Variants in ZNF732 observed in about 807,000 individuals in gnomAD.
The protein encoded by ZNF732 is zinc finger protein 732, also known as zinc finger protein LOC654254.
In ZNF732, 12 loss-of-function variants were observed where a neutral mutation model predicts 11.5. The ratio of observed to expected loss-of-function variants is 1.05; its 90% CI spans 0.67 to 1.70. The LOEUF is 1.70. Among genes scored for constraint, ZNF732 ranks in the 40% most tolerant of loss-of-function variants. The probability of loss-of-function intolerance (pLI) is 0.00; values close to 1 mark genes in which losing one functional copy is unlikely to be tolerated. For synonymous variants in ZNF732, 231 were observed against 236.5 expected, an observed-to-expected ratio of 0.98 and a Z score of 0.21; for missense variants, 702 against 676.9, an observed-to-expected ratio of 1.04 and a Z score of -0.41.
rs190089491 is a variant in ZNF732, at chr4:276,860, G to C, written c.227-4230C>G. On this transcript the variant is annotated intron_variant, in intron 3 of 3. Coordinates refer to ENST00000419098, the MANE Select transcript of ZNF732 (RefSeq NM_001137608.3). Reference sequence around the variant, plus strand: ...CCCAAATAGCAAAAGTAATCCTAAGGGGGGGACAAAAAAAAACAGCTGGAA... The same window carrying C: ...CCCAAATAGCAAAAGTAATCCTAAGCGGGGGACAAAAAAAAACAGCTGGAA... Among the ~76,000 whole-genome samples the C allele has an allele frequency of 3.7e-3, 561 of 151,344 alleles. 5 individuals are homozygous for C. The highest frequency in any genetic ancestry group is 0.013 in the African/African-American group (531 of 41,340).
rs550722348 is a variant in ZNF732, at chr4:297,332, CTA to C, written c.4-1179_4-1178del. Among the ~76,000 whole-genome samples, 234 of 151,610 alleles carry C rather than the reference CTA, an allele frequency of 1.5e-3. 2 individuals are homozygous for C. Among genetic ancestry groups the C allele is most frequent in the Non-Finnish European group, 2.2e-3 (152 of 67,934 alleles). ...TAATGCGGTATTTATGGAGCATGTA[CTA>C]TGTGCTCAGGAGTATGTCACAGAGC... is the stretch of plus-strand genomic sequence containing the variant. On this transcript the variant is annotated intron_variant, in intron 1 of 3. Coordinates refer to ENST00000419098, the MANE Select transcript of ZNF732 (RefSeq NM_001137608.3).
At position 295,547 on chromosome 4, in the gene ZNF732, A is replaced by G. The variant is rs183120538; in HGVS notation, c.131-14T>C. ...AGATAGCAACACCTGTTTATTTTAA[A>G]AAATTAACATGCTACTGTTAGGGAT... is the stretch of plus-strand genomic sequence containing the variant. On this transcript the variant is annotated splice_polypyrimidine_tract_variant and intron_variant, in intron 2 of 3. Coordinates refer to ENST00000419098, the MANE Select transcript of ZNF732 (RefSeq NM_001137608.3). 1 of 1,597,018 alleles carries G rather than the reference A, an allele frequency of 6.3e-7. No homozygotes were observed. Among genetic ancestry groups the G allele is most frequent in the African/African-American group, 1.3e-5 (1 of 74,518 alleles).
Position 271,310 on chromosome 4 carries a change from T to C in ZNF732, c.1547A>G (p.Tyr516Cys), listed in dbSNP as rs1553837325. 2 of 1,601,704 alleles carry C rather than the reference T, an allele frequency of 1.2e-6. No homozygotes were observed. The highest frequency in any genetic ancestry group is 3.5e-5 in the Admixed American group (2 of 57,740). The change falls in exon 4 of 4, where the codon TAC (tyrosine) becomes TGC (cysteine). Residue 516 changes from tyrosine (Y) to cysteine (C), a missense_variant. Tyr to Cys is a radical substitution (Grantham distance 194). Transcript: ENST00000419098. The part of the protein sequence containing the change: ...ECGKAFGWST[Y>C]LSKHKKIHTG... ...ATGAATTTTCTTATGTTTACTCAGGTATGTGGACCATCCAAAGGCTTTGCC... is the reference window on the plus strand; with the variant it reads ...ATGAATTTTCTTATGTTTACTCAGGCATGTGGACCATCCAAAGGCTTTGCC...
chr4:298,697 G>A (rs73791821), intron 1 of ZNF732, among the ~76,000 whole-genome samples: 8,219 of 152,162 alleles, frequency 0.054, 342 homozygotes, highest in African/African-American at 0.11. Context: ...AACAGAAAAT[G>A]AAACAGCCCT....
chr4:284,115 G>T (rs189787875), intron 3 of ZNF732, among the ~76,000 whole-genome samples: 1 of 152,080 alleles, frequency 6.6e-6, no homozygotes, highest in Non-Finnish European at 1.5e-5. Context: ...GTTTCACCTT[G>T]TTAACTAGGA....
At chr4:275,410 A>G (rs1445285889) in intron 3 of ZNF732, among the ~76,000 whole-genome samples, 1 of 150,426 alleles carries the variant, frequency 6.6e-6, no homozygotes, top group Non-Finnish European at 1.5e-5. Context: ...CAATTCCCAT[A>G]TTATATGGAA....
chr4:275,893 A>C (rs1229384959), intron 3 of ZNF732, among the ~76,000 whole-genome samples: 1 of 151,782 alleles, frequency 6.6e-6, no homozygotes, highest in African/African-American at 2.4e-5. Context: ...GTTTGTGTAG[A>C]GTGAGAAAAC....
intron 3 of ZNF732, among the ~76,000 whole-genome samples, chr4:282,073 C>T (rs997399562): frequency 6.6e-6 from 1 of 152,052 alleles, no homozygotes; most frequent in African/African-American, 2.4e-5. Context: ...TAACAGAAAG[C>T]TTTAACAGGA....
At chr4:291,514 C>A (rs1261010940) in intron 3 of ZNF732, among the ~76,000 whole-genome samples, 5 of 151,998 alleles carry the variant, frequency 3.3e-5, no homozygotes, top group African/African-American at 1.2e-4. Flanking sequence ...AATTTACACA[C>A]TAAATACAAG....
chr4:272,303 T>C lies in ZNF732; in HGVS notation c.554A>G (p.His185Arg), dbSNP rs782305598. 6.2e-7 allele frequency: 1 copy of C among 1,613,100 alleles called. No individual in the cohort carries two copies. Among genetic ancestry groups the C allele is most frequent in the Non-Finnish European group, 8.5e-7 (1 of 1,179,382 alleles). The change falls in exon 4 of 4, where the codon CAT (histidine) becomes CGT (arginine). Residue 185 changes from histidine (H) to arginine (R), a missense_variant. This residue lies in a region of ZNF732 where 596 missense variants were observed against 557.9 expected (regional missense o/e 1.07). Transcript: ENST00000419098. ...TTTCTCTCCAGCATGAATTCCTTGA[T>C]GTTGAGTTAGGTCTGAGAACTTCTG... ...SFQKFSDLTQ[H>R]QGIHAGEKPY...
intron 1 of ZNF732, among the ~76,000 whole-genome samples, chr4:297,136 C>T (rs113238980): frequency 3.9e-5 from 6 of 152,158 alleles, no homozygotes; most frequent in African/African-American, 1.2e-4. Context: ...GGCATAGTGG[C>T]GTGCGCCTGT....
At chr4:289,607 T>C (rs1719799860) in intron 3 of ZNF732, among the ~76,000 whole-genome samples, 1 of 152,248 alleles carries the variant, frequency 6.6e-6, no homozygotes, top group African/African-American at 2.4e-5. Flanking sequence ...TGCTGCAGAT[T>C]TGCAGCCATT....
chr4:283,686 C>T (rs1221704106), intron 3 of ZNF732, among the ~76,000 whole-genome samples: 1 of 152,038 alleles, frequency 6.6e-6, no homozygotes, highest in African/African-American at 2.4e-5. Context: ...CTACTTAATA[C>T]ATCATTCAGA....
rs1373004181 is a variant in ZNF732, at chr4:271,031, G to C, written c.*68C>G. ...TTCACATTTGTATAGTTTATTTCCAGTATAAATTTTCTTATGTTCATTCAG... is the reference window on the plus strand; with the variant it reads ...TTCACATTTGTATAGTTTATTTCCACTATAAATTTTCTTATGTTCATTCAG... On this transcript the variant is annotated 3_prime_UTR_variant, in exon 4 of 4. Coordinates refer to ENST00000419098, the MANE Select transcript of ZNF732 (RefSeq NM_001137608.3). 1.6e-6 allele frequency: 2 copies of C among 1,227,802 alleles called. No homozygotes were observed. The highest frequency in any genetic ancestry group is 3.2e-5 in the African/African-American group (2 of 63,098). The allele number at this position is 1,227,802 out of a possible 1,614,324, so 76.1% of individuals were successfully genotyped here. A position where few individuals can be genotyped will look rare whatever the true frequency, so the allele number is the denominator to read the frequency against.
intron 3 of ZNF732, among the ~76,000 whole-genome samples, chr4:285,299 C>T (rs1047619049): frequency 3.3e-5 from 5 of 152,184 alleles, no homozygotes; most frequent in Non-Finnish European, 7.3e-5. Flanking sequence ...GCAGGCAGCT[C>T]TGACTTATGA....
At chr4:288,240 A>C (rs1719771769) in intron 3 of ZNF732, among the ~76,000 whole-genome samples, 1 of 152,142 alleles carries the variant, frequency 6.6e-6, no homozygotes, top group Non-Finnish European at 1.5e-5. Context: ...TGCAGAGATA[A>C]ATTTAATGTA....
chr4:273,653 A>C lies in ZNF732; in HGVS notation c.227-1023T>G, dbSNP rs114536727. ...TTAAAAAAGGATATAAAAACGGAAG[A>C]AGCTCAACAAACTTCAACAAGGTTA... On this transcript the variant is annotated intron_variant, in intron 3 of 3. Transcript: ENST00000419098. 9.4e-3 allele frequency among the ~76,000 whole-genome samples: 1,425 copies of C among 152,016 alleles called. 24 individuals carry two copies. Among genetic ancestry groups the C allele is most frequent in the African/African-American group, 0.033 (1,351 of 41,542 alleles).
chr4:305,230 C>G lies in ZNF732; in HGVS notation c.3+78G>C, dbSNP rs191107702. The G allele has an allele frequency of 5.8e-4, 901 of 1,552,524 alleles. 6 individuals are homozygous for G. The African/African-American group carries it at 0.011, about 19-fold the overall frequency. Reference sequence around the variant, plus strand: ...CGGCAGCGGAGACTCCGTTCGCAGACTCCGTCCCGCCGCCGCCATTTCCCG... The same window carrying G: ...CGGCAGCGGAGACTCCGTTCGCAGAGTCCGTCCCGCCGCCGCCATTTCCCG... On this transcript the variant is annotated intron_variant, in intron 1 of 3. Transcript: ENST00000419098.
intron 3 of ZNF732, among the ~76,000 whole-genome samples, chr4:293,625 C>T (rs1581543838): frequency 6.6e-6 from 1 of 151,838 alleles, no homozygotes; most frequent in African/African-American, 2.4e-5. Flanking sequence ...ATTAGATTAG[C>T]AAAATAGCAT....
Sources: gnomAD v4.1 joint callset for allele counts (sites outside exome capture counted in the v4.1 genomes callset) on GRCh38, gnomAD v4.1.1 for gene constraint, gnomAD v4.1.1 regional missense constraint, MANE v1.5 for transcripts, NCBI Gene and HGNC (gene_info 2026-07-23, HGNC 2026-07-21) for gene names.